Variants in IFI44L observed in about 807,000 individuals in gnomAD.
IFI44L encodes interferon induced protein 44 like.
In IFI44L, 40 loss-of-function variants were observed where a neutral mutation model predicts 39.3. That is an observed-to-expected ratio of 1.02 (90% CI 0.79 to 1.33). IFI44L has a LOEUF of 1.33. IFI44L is among the 40% of genes most tolerant of loss of function. The pLI is 0.00. For synonymous variants in IFI44L, 198 were observed against 182.3 expected (o/e 1.09, Z -0.69); for missense variants, 623 against 549.0 (o/e 1.13, Z -1.35).
At chr1:78,630,358 T>C (rs953432225) in intron 4 of IFI44L, among the ~76,000 whole-genome samples, 6 of 152,082 alleles carry the variant, frequency 3.9e-5, no homozygotes, top group African/African-American at 1.4e-4. Flanking sequence ...CAATTCACTT[T>C]GGTGGGTCAA....
chr1:78,629,522 T>C, intron 3 of IFI44L, 198 bp from the exon 4 acceptor site: 1 of 445,526 alleles, frequency 2.2e-6, no homozygotes, highest in Admixed American at 4.0e-5. Flanking sequence ...AAATAATGCA[T>C]TTTCTTTAAG....
At position 78,644,958 on chromosome 1, in the gene IFI44L, A is replaced by T. The variant is rs997549723; in HGVS notation, c.*3149A>T. The T allele has an allele frequency of 6.6e-6, 1 of 152,174 alleles. No individual in the cohort carries two copies. Among genetic ancestry groups the T allele is most frequent in the African/African-American group, 2.4e-5 (1 of 41,444 alleles). The allele number at this position is 152,174 out of a possible 1,614,324, so 9.4% of individuals were successfully genotyped here. A position where few individuals can be genotyped will look rare whatever the true frequency, so the allele number is the denominator to read the frequency against. On this transcript the variant is annotated 3_prime_UTR_variant, in exon 9 of 9. Transcript: ENST00000370751. ...ATCTACCTCAATAAAATATAGAGAAAAGAAAAATAGAGCAGTTTGAGTTCT... is the reference window on the plus strand; with the variant it reads ...ATCTACCTCAATAAAATATAGAGAATAGAAAAATAGAGCAGTTTGAGTTCT...
At chr1:78,638,317 A>G (rs1238513530) in intron 6 of IFI44L, among the ~76,000 whole-genome samples, 1 of 152,074 alleles carries the variant, frequency 6.6e-6, no homozygotes, top group African/African-American at 2.4e-5. Context: ...ATGTTAAAAG[A>G]TCTATAAATC....
intron 4 of IFI44L, chr1:78,630,127 A>G (rs2100488415): frequency 2.0e-6 from 1 of 496,808 alleles, no homozygotes; most frequent in East Asian, 3.5e-5. Context: ...AGTTATATAA[A>G]GAATACTTTT....
intron 6 of IFI44L, among the ~76,000 whole-genome samples, chr1:78,638,538 T>C (rs2100388606): frequency 6.6e-6 from 1 of 152,272 alleles, no homozygotes; most frequent in South Asian, 2.1e-4. Context: ...GAGTGGGTAA[T>C]TTCTATTGTT....
chr1:78,640,950 C>T, intron 6 of IFI44L, 71 bp from the exon 7 acceptor site: 3 of 1,113,032 alleles, frequency 2.7e-6, no homozygotes, highest in Non-Finnish European at 4.1e-6. Context: ...GTTGCCTTCA[C>T]ACATATTTAA....
At chr1:78,636,957 A>G in intron 5 of IFI44L, 75 bp from the exon 6 acceptor site, 2 of 1,085,220 alleles carry the variant, frequency 1.8e-6, no homozygotes, top group Admixed American at 3.9e-5. Context: ...ACAGTATTAG[A>G]AGCATTAATT....
chr1:78,626,722 G>T (rs1159803988), intron 1 of IFI44L: 2 of 150,632 alleles, frequency 1.3e-5, no homozygotes, highest in African/African-American at 2.4e-5. Flanking sequence ...AGTATAAGTG[G>T]TTTTTTTTTA....
rs944769383 is a variant in IFI44L, at chr1:78,644,190, C to G, written c.*2381C>G. On this transcript the variant is annotated 3_prime_UTR_variant, in exon 9 of 9. Transcript: ENST00000370751. ...TAATTCACCCAACCCTTTGGTGGAGCCTGAAAAAAATCTGGGCAGAATGTA... is the reference window on the plus strand; with the variant it reads ...TAATTCACCCAACCCTTTGGTGGAGGCTGAAAAAAATCTGGGCAGAATGTA... 6.6e-5 allele frequency: 10 copies of G among 152,044 alleles called. No individual in the cohort carries two copies. Among genetic ancestry groups the G allele is most frequent in the East Asian group, 1.9e-4 (1 of 5,162 alleles). 9.4% of individuals were successfully genotyped at this position (152,044 alleles called of 1,614,324 possible).
chr1:78,626,085 T>C (rs980295351), intron 1 of IFI44L: 8 of 151,930 alleles, frequency 5.3e-5, no homozygotes, highest in African/African-American at 1.9e-4. Flanking sequence ...TCATATATCT[T>C]AACTAATTTT....
chr1:78,635,524 C>A, intron 5 of IFI44L, 35 bp downstream of exon 5: 1 of 1,588,434 alleles, frequency 6.3e-7, no homozygotes, highest in African/African-American at 1.4e-5. Context: ...CATTTCAAAT[C>A]ATTTTCTTCA....
rs1374893746 is a variant in IFI44L at position 78,639,465 on chromosome 1, CA to C, written c.1049-1548del. 6.6e-5 allele frequency among the ~76,000 whole-genome samples: 10 copies of C among 151,720 alleles called. 1 individual carries two copies. In the South Asian group the frequency reaches 1.0e-3, roughly 16 times the overall value. ...TTGACTAGATGAAACTAGTCAACAG[CA>C]AAAAAAATTTTCCTTTTTGCTGGCT... On this transcript the variant is annotated intron_variant, in intron 6 of 8. Transcript: ENST00000370751.
chr1:78,628,375 G>C lies in IFI44L; in HGVS notation c.460G>C (p.Glu154Gln). ...FYGHRQYLEC[E>Q]VFRVEGIKDN... Reference sequence around the variant, plus strand: ...TGGCCACCGTCAGTATTTGGAATGTGAAGTTTTTCGAGTTGAAGGTTTGTA... The same window carrying C: ...TGGCCACCGTCAGTATTTGGAATGTCAAGTTTTTCGAGTTGAAGGTTTGTA... The change falls in exon 2 of 9, where the codon GAA becomes CAA. Residue 154 changes from glutamate to glutamine, a missense_variant. By Grantham distance (29) the Glu-to-Gln change is conservative. Coordinates refer to ENST00000370751, the MANE Select transcript of IFI44L (RefSeq NM_006820.4). 6.4e-7 allele frequency: 1 copy of C among 1,564,136 alleles called. No homozygotes were observed. The highest frequency in any genetic ancestry group is 1.4e-5 in the African/African-American group (1 of 72,418).
intron 1 of IFI44L, among the ~76,000 whole-genome samples, chr1:78,625,179 G>T (rs1343651263): frequency 6.6e-6 from 1 of 151,218 alleles, no homozygotes; most frequent in Non-Finnish European, 1.5e-5. Flanking sequence ...AACAGGTTTT[G>T]GTATCTAAGT....
intron 4 of IFI44L, among the ~76,000 whole-genome samples, chr1:78,631,086 C>T (rs1303563638): frequency 4.0e-5 from 6 of 151,834 alleles, no homozygotes; most frequent in African/African-American, 1.5e-4. Context: ...TTTTAAATTC[C>T]AAAGGTCTTA....
At chr1:78,637,996 T>C (rs1444125091) in intron 6 of IFI44L, among the ~76,000 whole-genome samples, 1 of 152,250 alleles carries the variant, frequency 6.6e-6, no homozygotes, top group East Asian at 1.9e-4. Context: ...TGTTTAGCTT[T>C]GAAAGAGATC....
intron 1 of IFI44L, chr1:78,625,928 T>C (rs1461561261): frequency 6.6e-6 from 1 of 151,952 alleles, no homozygotes; most frequent in Non-Finnish European, 1.5e-5. Context: ...TGAGGGGATC[T>C]ACTAGTTATC....
intron 3 of IFI44L, among the ~76,000 whole-genome samples, chr1:78,629,276 C>T (rs1366401491): frequency 7.2e-5 from 11 of 152,128 alleles, no homozygotes; most frequent in Non-Finnish European, 1.5e-4. Flanking sequence ...TGAATCCTTT[C>T]CTTGAGAAAC....
rs1484347931 is a variant in IFI44L at position 78,643,240 on chromosome 1, A to G, written c.*1431A>G. On this transcript the variant is annotated 3_prime_UTR_variant, in exon 9 of 9. Coordinates refer to ENST00000370751, the MANE Select transcript of IFI44L (RefSeq NM_006820.4). ...AGTGAATGTTCAGGAGACACAATTC[A>G]GTGGAAGAAATTAAGTCTTTAAAAA... The G allele has an allele frequency of 6.6e-6, 1 of 151,974 alleles. No individual in the cohort carries two copies. The highest frequency in any genetic ancestry group is 1.5e-5 in the Non-Finnish European group (1 of 68,004). 9.4% of individuals were successfully genotyped at this position (151,974 alleles called of 1,614,324 possible).
Sources: gnomAD v4.1 joint callset for allele counts (sites outside exome capture counted in the v4.1 genomes callset) on GRCh38, gnomAD v4.1.1 for gene constraint, MANE v1.5 for transcripts, NCBI Gene and HGNC (gene_info 2026-07-23, HGNC 2026-07-21) for gene names.